The following FIGN variants were observed in gnomAD, a reference collection of about 807,000 sequenced individuals.
FIGN encodes fidgetin, microtubule severing factor.
Under a neutral mutation model 51.3 loss-of-function variants are expected in FIGN, and 11 were observed. The ratio of observed to expected loss-of-function variants is 0.21; its 90% confidence interval spans 0.13 to 0.35. The LOEUF is 0.35. FIGN is among the 10% of genes least tolerant of loss of function. The pLI is 1.00. For missense variants in FIGN, 857 were observed against 943.6 expected, an observed-to-expected ratio of 0.91 and a Z score of 1.20; for synonymous variants, 407 against 363.2, an observed-to-expected ratio of 1.12 and a Z score of -1.37.
At position 163,611,477 on chromosome 2, in the gene FIGN, A is replaced by T; in HGVS notation, c.355T>A (p.Tyr119Asn). 1.9e-6 allele frequency: 3 copies of T among 1,614,200 alleles called. No homozygotes were observed. Among genetic ancestry groups the T allele is most frequent in the Non-Finnish European group, 1.7e-6 (2 of 1,180,016 alleles). The change falls in exon 3 of 3, where the codon TAT becomes AAT. Residue 119 changes from tyrosine to asparagine, a missense_variant. Around this residue, in one of 3 missense-constraint regions of FIGN, gnomAD observed 799 missense variants for 849.5 expected, o/e 0.94. Transcript: ENST00000333129. ...WQPSLNSEAV[Y>N]PMNCVPDVIT... ...ACATCCGGAACACAGTTCATGGGAT[A>T]AACAGCTTCTGAATTCAAGGAAGGC...
At chr2:163,634,446 C>T (rs1463274451) in intron 2 of FIGN, among the ~76,000 whole-genome samples, 8 of 151,654 alleles carry the variant, frequency 5.3e-5, no homozygotes, top group African/African-American at 1.7e-4. Context: ...GCTTCTAATG[C>T]TCTTCCTCAC....
intron 2 of FIGN, among the ~76,000 whole-genome samples, chr2:163,638,570 T>C (rs1274630702): frequency 1.3e-5 from 2 of 152,152 alleles, no homozygotes; most frequent in African/African-American, 2.4e-5. Flanking sequence ...AATGAAAGCA[T>C]ACACAGGCAC....
intron 2 of FIGN, among the ~76,000 whole-genome samples, chr2:163,728,494 G>C (rs9287838): frequency 0.78 from 118,393 of 151,954 alleles, 46,643 homozygotes; most frequent in Admixed American, 0.87. Context: ...GGAGATATAT[G>C]AGACACAGGG....
intron 2 of FIGN, among the ~76,000 whole-genome samples, chr2:163,733,962 A>T (rs954680803): frequency 7.3e-6 from 1 of 136,442 alleles, no homozygotes; most frequent in Non-Finnish European, 1.6e-5. Context: ...AAAAAAAAAA[A>T]CAGTCTAAAG....
At chr2:163,697,459 T>G (rs2105348795) in intron 2 of FIGN, among the ~76,000 whole-genome samples, 1 of 151,990 alleles carries the variant, frequency 6.6e-6, no homozygotes, top group Admixed American at 6.6e-5. Context: ...ACCACAGTGG[T>G]CCTCTCAGAG....
chr2:163,651,472 C>G (rs1046753697), intron 2 of FIGN, among the ~76,000 whole-genome samples: 2 of 151,694 alleles, frequency 1.3e-5, no homozygotes, highest in African/African-American at 4.8e-5. Flanking sequence ...CAAAACAACA[C>G]AAAAAAAAGT....
At chr2:163,627,212 T>C (rs2105308501) in intron 2 of FIGN, among the ~76,000 whole-genome samples, 1 of 152,266 alleles carries the variant, frequency 6.6e-6, no homozygotes, top group Non-Finnish European at 1.5e-5. Flanking sequence ...TTTCGTGACA[T>C]CCAAGAACCC....
At chr2:163,676,438 T>TATATATAG (rs1683966607) in intron 2 of FIGN, among the ~76,000 whole-genome samples, 1 of 18,962 alleles carries the variant, frequency 5.3e-5, no homozygotes, top group African/African-American at 2.8e-4. Flanking sequence ...TCCTGGAATA[T>TATATATAG]ATATATATAT....
chr2:163,660,907 A>G (rs1187835792), intron 2 of FIGN, among the ~76,000 whole-genome samples: 2 of 26,518 alleles, frequency 7.5e-5, no homozygotes, highest in African/African-American at 1.4e-4. Context: ...TTTTTTTTTG[A>G]GATGGAGTCT....
At chr2:163,631,934 G>GGTCA (rs1276573223) in intron 2 of FIGN, among the ~76,000 whole-genome samples, 1 of 152,080 alleles carries the variant, frequency 6.6e-6, no homozygotes, top group Non-Finnish European at 1.5e-5. Flanking sequence ...GATCACCTGA[G>GGTCA]GTCAGGTGTT....
At chr2:163,704,951 T>C (rs1684475672) in intron 2 of FIGN, among the ~76,000 whole-genome samples, 1 of 152,082 alleles carries the variant, frequency 6.6e-6, no homozygotes, top group South Asian at 2.1e-4. Flanking sequence ...AAGAGGTCCA[T>C]CCAATTTTAG....
intron 2 of FIGN, among the ~76,000 whole-genome samples, chr2:163,676,483 A>ATATATATATATAT (rs1553499928): frequency 1.9e-4 from 9 of 48,452 alleles, no homozygotes; most frequent in Non-Finnish European, 2.9e-4. Flanking sequence ...ATATATATAT[A>ATATATATATATAT]ACTAGAGTCT....
rs765352180 is a variant in FIGN at position 163,611,346 on chromosome 2, A to C, written c.486T>G (p.Ser162Arg). 1 of 1,614,014 alleles carries C rather than the reference A, an allele frequency of 6.2e-7. No individual in the cohort carries two copies. Among genetic ancestry groups the C allele is most frequent in the African/African-American group, 1.3e-5 (1 of 74,912 alleles). The change falls in exon 3 of 3, where the codon AGT (serine) becomes AGG (arginine). Residue 162 changes from serine to arginine, a missense_variant. By Grantham distance (110) the Ser-to-Arg change is moderately radical. This residue lies in a region of FIGN where 799 missense variants were observed against 849.5 expected (regional missense o/e 0.94). Coordinates refer to ENST00000333129, the MANE Select transcript of FIGN (RefSeq NM_018086.4). ...PGVASNLTEP[S>R]YSSSTCGSHT... ...GGCTTCCACAGGTACTACTTGAATA[A>C]CTAGGTTCTGTCAGGTTGCTGGCTA...
intron 2 of FIGN, among the ~76,000 whole-genome samples, chr2:163,730,127 C>T (rs892524067): frequency 2.0e-5 from 3 of 152,212 alleles, no homozygotes; most frequent in East Asian, 1.9e-4. Context: ...TAGCATACCC[C>T]TTGCTTTTGA....
chr2:163,668,427 G>A (rs1310373801), intron 2 of FIGN, among the ~76,000 whole-genome samples: 1 of 152,116 alleles, frequency 6.6e-6, no homozygotes. Context: ...TTGGACCCTG[G>A]TAGAAGCTCA....
intron 2 of FIGN, among the ~76,000 whole-genome samples, chr2:163,680,687 T>A (rs527240822): frequency 6.6e-6 from 1 of 152,260 alleles, no homozygotes; most frequent in East Asian, 1.9e-4. Flanking sequence ...AGATAAACCA[T>A]CGCCTCTCTG....
intron 2 of FIGN, among the ~76,000 whole-genome samples, chr2:163,719,137 G>A (rs1254330184): frequency 6.6e-6 from 1 of 152,100 alleles, no homozygotes; most frequent in Non-Finnish European, 1.5e-5. Flanking sequence ...ATTGTAATAT[G>A]TACAATGAAG....
intron 2 of FIGN, among the ~76,000 whole-genome samples, chr2:163,629,028 A>G (rs1387872537): frequency 6.6e-6 from 1 of 152,190 alleles, no homozygotes; most frequent in Non-Finnish European, 1.5e-5. Context: ...TGCTGGAAAG[A>G]TGAAGAGAAG....
In FIGN at chr2:163,735,043, G is replaced by T; in HGVS notation, c.-116C>A. On this transcript the variant is annotated 5_prime_UTR_variant, in exon 2 of 3. Transcript: ENST00000333129. The stretch of plus-strand genomic sequence containing the variant: ...CTATCAAATGTCACTGCCTTGAAAC[G>T]TGGGCCCTTTCGTCAGGTATTCATT... 1 of 1,027,206 alleles carries T rather than the reference G, an allele frequency of 9.7e-7. No individual in the cohort carries two copies. The highest frequency in any genetic ancestry group is 1.5e-6 in the Non-Finnish European group (1 of 687,050). The allele number at this position is 1,027,206 out of a possible 1,614,324, so 63.6% of individuals were successfully genotyped here.
Sources: gnomAD v4.1 joint callset for allele counts (sites outside exome capture counted in the v4.1 genomes callset) on GRCh38, gnomAD v4.1.1 for gene constraint, gnomAD v4.1.1 regional missense constraint, MANE v1.5 for transcripts, NCBI Gene and HGNC (gene_info 2026-07-23, HGNC 2026-07-21) for gene names.